EPHB6: variants seen among roughly 807,000 people sequenced by gnomAD.
EPHB6 encodes the protein ephrin type-B receptor 6.
Under a neutral mutation model 107.0 loss-of-function variants are expected in EPHB6, and 51 were observed. That is an observed-to-expected ratio of 0.48 (90% CI 0.38 to 0.60). The LOEUF is 0.60. Ranked by LOEUF, EPHB6 falls within the 20% of genes least tolerant of loss-of-function variation. The pLI, the probability that EPHB6 is intolerant of heterozygous loss-of-function variation, is 0.00. For synonymous variants in EPHB6, 553 were observed against 549.0 expected (o/e 1.01, Z -0.10); for missense variants, 1,141 against 1,355.5 (o/e 0.84, Z 2.48).
intron 3 of EPHB6, among the ~76,000 whole-genome samples, chr7:142,862,448 T>G (rs745692887): frequency 6.6e-6 from 1 of 152,218 alleles, no homozygotes; most frequent in Non-Finnish European, 1.5e-5. Context: ...ACGAGGATCT[T>G]TGTTCACAAA....
At position 142,864,514 on chromosome 7, in the gene EPHB6, AT is replaced by A. The variant is rs1430806599; in HGVS notation, c.715del (p.Ser239ProfsTer36). On this transcript the variant is annotated frameshift_variant, in exon 7 of 20. Transcript: ENST00000652003. LOFTEE classifies it high-confidence loss of function. ...FSYTCPAVLRSFASFPETQAS... is the reference protein window; with the variant it reads ...FSYTCPAVLRXFASFPETQAS... ...CCTACACCTGCCCTGCCGTGCTCCG[AT>A]CCTTTGCTTCCTTTCCAGAGACGCA... 1 of 1,613,300 alleles carries A rather than the reference AT, an allele frequency of 6.2e-7. No homozygotes were observed. Among genetic ancestry groups the A allele is most frequent in the Non-Finnish European group, 8.5e-7 (1 of 1,180,020 alleles).
rs752338310 is a variant in EPHB6 at position 142,867,982 on chromosome 7, C to G, written c.1866-15C>G. 1.3e-6 allele frequency: 2 copies of G among 1,566,230 alleles called. No individual in the cohort carries two copies. Among genetic ancestry groups the G allele is most frequent in the Non-Finnish European group, 1.7e-6 (2 of 1,155,578 alleles). The stretch of plus-strand genomic sequence containing the variant: ...AAATGGGAGCGTCATCCCCAGTCAC[C>G]GTTTTGTTCCTCAGGAAGCGGCGTG... On this transcript the variant is annotated splice_polypyrimidine_tract_variant and intron_variant, in intron 12 of 19. Coordinates refer to ENST00000652003, the MANE Select transcript of EPHB6 (RefSeq NM_004445.6). The surrounding 1 kb of genome is among the most constrained non-coding windows in gnomAD (Gnocchi z 5.3).
rs529333505 is a variant in EPHB6 at position 142,864,092 on chromosome 7, C to G, written c.292C>G (p.Arg98Gly). ...NWLQTHFVER[R>G]GAQRAHIRLH... is the part of the protein sequence containing the mutation. ...GTTGCAGACACACTTTGTGGAGCGG[C>G]GCGGGGCCCAGAGGGCGCACATTCG... Residue 98 changes from arginine (R) to glycine (G), a missense_variant, in exon 7 of 20, where the codon CGC becomes GGC. By Grantham distance (125) the Arg-to-Gly change is moderately radical. Coordinates refer to ENST00000652003, the MANE Select transcript of EPHB6 (RefSeq NM_004445.6). 1 of 1,614,032 alleles carries G rather than the reference C, an allele frequency of 6.2e-7. No individual in the cohort carries two copies. Among genetic ancestry groups the G allele is most frequent in the East Asian group, 2.2e-5 (1 of 44,866 alleles).
In EPHB6 at chr7:142,855,123, C is replaced by A. The variant is rs906519469; in HGVS notation, c.-694C>A. ...GGCTCTACAGCAGCGGGCGGCGGGA[C>A]CCGGGACCCAGCTTGGCGACGGCGA... On this transcript the variant is annotated 5_prime_UTR_variant, in exon 1 of 20. Coordinates refer to ENST00000652003, the MANE Select transcript of EPHB6 (RefSeq NM_004445.6). This position sits in a 1 kb window ranked among gnomAD's most constrained non-coding sequence, Gnocchi z 4.2. 4 of 152,320 alleles carry A rather than the reference C, an allele frequency of 2.6e-5. No homozygotes were observed. The highest frequency in any genetic ancestry group is 5.9e-5 in the Non-Finnish European group (4 of 68,034). 9.4% of individuals were successfully genotyped at this position (152,320 alleles called of 1,614,324 possible).
In EPHB6 at chr7:142,864,505, C is replaced by A. The variant is rs148221019; in HGVS notation, c.705C>A (p.Ala235=). The A allele has an allele frequency of 1.2e-6, 2 of 1,613,350 alleles. No homozygotes were observed. Among genetic ancestry groups the A allele is most frequent in the East Asian group, 4.5e-5 (2 of 44,890 alleles). Residue 235 remains alanine (A), a synonymous_variant, in exon 7 of 20, where the codon GCC becomes GCA. Transcript: ENST00000652003. The stretch of plus-strand genomic sequence containing the variant: ...GGCTCTTCTCCTACACCTGCCCTGC[C>A]GTGCTCCGATCCTTTGCTTCCTTTC... ...AVRLFSYTCP[A]VLRSFASFPE...
chr7:142,870,264 T>A lies in EPHB6; in HGVS notation c.2661T>A (p.Cys887Ter), dbSNP rs1280744868. The A allele has an allele frequency of 6.2e-7, 1 of 1,614,234 alleles. No homozygotes were observed. The highest frequency in any genetic ancestry group is 1.1e-5 in the South Asian group (1 of 91,082). ...TCCGGCTGCCCCCGCCTCCAGGCTG[T>A]CCTCCTGGATTACATCTACTTATGT... ...QEFRLPPPPG[C>*]PPGLHLLMLD... Residue 887 changes from cysteine (C) to a stop codon, truncating the protein, a stop_gained, in exon 18 of 20, where the codon TGT (cysteine) becomes TGA (stop). Coordinates refer to ENST00000652003, the MANE Select transcript of EPHB6 (RefSeq NM_004445.6). LOFTEE classifies it high-confidence loss of function.
intron 2 of EPHB6, 70 bp downstream of exon 2, chr7:142,861,256 A>G (rs1802827925): frequency 6.6e-6 from 1 of 152,216 alleles, no homozygotes; most frequent in Non-Finnish European, 1.5e-5. Flanking sequence ...GGAAGGTTTT[A>G]TATAAGAGGT....
intron 1 of EPHB6, among the ~76,000 whole-genome samples, chr7:142,859,998 G>T (rs1802773449): frequency 6.6e-6 from 1 of 152,174 alleles, no homozygotes; most frequent in African/African-American, 2.4e-5. Context: ...AAGTGACTGT[G>T]TTCCTTGTAG....
intron 5 of EPHB6, 65 bp downstream of exon 5, chr7:142,863,392 G>A: frequency 6.6e-7 from 1 of 1,509,328 alleles, no homozygotes; most frequent in Admixed American, 1.7e-5. Context: ...GGGGGAAGTG[G>A]GAAAGATTTA....
rs573676009 is a variant in EPHB6 at position 142,855,629 on chromosome 7, G to C, written c.-432+244G>C. 6.6e-6 allele frequency among the ~76,000 whole-genome samples: 1 copy of C among 152,252 alleles called. No individual in the cohort carries two copies. On this transcript the variant is annotated intron_variant, in intron 1 of 19. Coordinates refer to ENST00000652003, the MANE Select transcript of EPHB6 (RefSeq NM_004445.6). This position sits in a 1 kb window ranked among gnomAD's most constrained non-coding sequence, Gnocchi z 4.2. ...TCATTGACACCGCATTACCCTTGCT[G>C]TTAGGATCCCCCAGTTGCGTTCCCA... is the stretch of plus-strand genomic sequence containing the variant.
At position 142,866,631 on chromosome 7, in the gene EPHB6, C is replaced by T. The variant is rs1419513840; in HGVS notation, c.1587+26C>T. On this transcript the variant is annotated intron_variant, in intron 10 of 19. Coordinates refer to ENST00000652003, the MANE Select transcript of EPHB6 (RefSeq NM_004445.6). The surrounding 1 kb of genome is among the most constrained non-coding windows in gnomAD (Gnocchi z 5.2). Reference sequence around the variant, plus strand: ...GTGCGCAGGAGGAGTGGGGGTTCCGCAGTAGGGCTGGTAGGAGCTCATAGG... The same window carrying T: ...GTGCGCAGGAGGAGTGGGGGTTCCGTAGTAGGGCTGGTAGGAGCTCATAGG... 1.9e-6 allele frequency: 3 copies of T among 1,613,638 alleles called. No individual in the cohort carries two copies. Among genetic ancestry groups the T allele is most frequent in the African/African-American group, 2.7e-5 (2 of 74,896 alleles).
At position 142,868,833 on chromosome 7, in the gene EPHB6, T is replaced by C. The variant is rs1467328353; in HGVS notation, c.2286+94T>C. ...TATCTTTGCTTCTTACCACCCCACC[T>C]TCCATGGTCTCCGTCCTTCCTTCCC... On this transcript the variant is annotated intron_variant, in intron 15 of 19. Transcript: ENST00000652003. This position sits in a 1 kb window ranked among gnomAD's most constrained non-coding sequence, Gnocchi z 4.2. 8 of 1,605,636 alleles carry C rather than the reference T, an allele frequency of 5.0e-6. No individual in the cohort carries two copies. Among genetic ancestry groups the C allele is most frequent in the Non-Finnish European group, 6.8e-6 (8 of 1,176,592 alleles).
chr7:142,865,538 G>A lies in EPHB6; in HGVS notation c.1013G>A (p.Arg338His), dbSNP rs750830863. The change falls in exon 8 of 20, where the codon CGC becomes CAC. Residue 338 changes from arginine to histidine, a missense_variant. Around this residue, in one of 3 missense-constraint regions of EPHB6, gnomAD observed 304 missense variants for 295.7 expected, o/e 1.03. Transcript: ENST00000652003. ...GCTCCCTGCTCACCATGCCCTGCCC[G>A]CAGTCACGCTCCCAACCCAGCAGCC... ...GNAPCSPCPA[R>H]SHAPNPAAPV... 83 of 1,613,224 alleles carry A rather than the reference G, an allele frequency of 5.1e-5. 1 individual carries two copies. The South Asian group carries it at 6.8e-4, about 13-fold the overall frequency.
rs1794781594 is a variant in EPHB6, at chr7:142,869,281, C to A, written c.2460+134C>A. 3 of 1,042,168 alleles carry A rather than the reference C, an allele frequency of 2.9e-6. No individual in the cohort carries two copies. The highest frequency in any genetic ancestry group is 1.6e-5 in the African/African-American group (1 of 63,704). The allele number at this position is 1,042,168 out of a possible 1,614,324, so 64.6% of individuals were successfully genotyped here. Reference sequence around the variant, plus strand: ...CATAGTCCCTGAAAGGAGGGAGGCTCTCCTGTGTGATGGGGAGATGAAAGC... The same window carrying A: ...CATAGTCCCTGAAAGGAGGGAGGCTATCCTGTGTGATGGGGAGATGAAAGC... On this transcript the variant is annotated intron_variant, in intron 16 of 19. Coordinates refer to ENST00000652003, the MANE Select transcript of EPHB6 (RefSeq NM_004445.6). The surrounding 1 kb of genome is among the most constrained non-coding windows in gnomAD (Gnocchi z 4.5).
rs1440513244 is a variant in EPHB6, at chr7:142,866,369, C to A, written c.1462+53C>A. On this transcript the variant is annotated intron_variant, in intron 9 of 19. Coordinates refer to ENST00000652003, the MANE Select transcript of EPHB6 (RefSeq NM_004445.6). This position sits in a 1 kb window ranked among gnomAD's most constrained non-coding sequence, Gnocchi z 5.2. ...TCCCCTGCCTCCGCTCCTTTGAGCC[C>A]CCTTCCCTACTCCTGATCTCCAGCC... The A allele has an allele frequency of 6.2e-7, 1 of 1,611,738 alleles. No individual in the cohort carries two copies. Among genetic ancestry groups the A allele is most frequent in the African/African-American group, 1.3e-5 (1 of 74,884 alleles).
In EPHB6 at chr7:142,867,150, A is replaced by C. The variant is rs1307011484; in HGVS notation, c.1750+82A>C. On this transcript the variant is annotated intron_variant, in intron 11 of 19. Coordinates refer to ENST00000652003, the MANE Select transcript of EPHB6 (RefSeq NM_004445.6). This position sits in a 1 kb window ranked among gnomAD's most constrained non-coding sequence, Gnocchi z 5.3. ...GAGGCCCAGGGACTGTCCGGCCTTG[A>C]ACCCTGGCCCCGTGCTTCCCAACCA... The C allele has an allele frequency of 2.6e-6, 4 of 1,526,734 alleles. No homozygotes were observed. The highest frequency in any genetic ancestry group is 3.5e-6 in the Non-Finnish European group (4 of 1,132,942). The allele number at this position is 1,526,734 out of a possible 1,614,324, so 94.6% of individuals were successfully genotyped here. A position where few individuals can be genotyped will look rare whatever the true frequency, so the allele number is the denominator to read the frequency against.
intron 3 of EPHB6, among the ~76,000 whole-genome samples, 182 bp downstream of exon 3, chr7:142,862,315 C>T (rs1802879951): frequency 1.3e-5 from 2 of 152,274 alleles, no homozygotes; most frequent in East Asian, 3.9e-4. Context: ...TAACAAATGG[C>T]CTGTTGCTGT....
At chr7:142,857,445 T>C (rs1320981616) in intron 1 of EPHB6, among the ~76,000 whole-genome samples, 1 of 152,202 alleles carries the variant, frequency 6.6e-6, no homozygotes, top group Non-Finnish European at 1.5e-5. Flanking sequence ...GGATAGAGGC[T>C]TTGGCATTAA....
At chr7:142,857,204 CAG>C (rs1802648570) in intron 1 of EPHB6, among the ~76,000 whole-genome samples, 1 of 152,220 alleles carries the variant, frequency 6.6e-6, no homozygotes, top group African/African-American at 2.4e-5. Context: ...GTCTGAGTCA[CAG>C]TGCTCTGGGG....
Sources: allele counts gnomAD v4.1 joint callset (sites outside exome capture counted in the v4.1 genomes callset), GRCh38; gene constraint gnomAD v4.1.1; regional missense constraint gnomAD v4.1.1; non-coding constraint Gnocchi (gnomAD v3.1); transcripts MANE v1.5; gene names NCBI Gene and HGNC (gene_info 2026-07-23, HGNC 2026-07-21).